The following PACSIN2 variants were observed in gnomAD, a reference collection of about 807,000 sequenced individuals.
PACSIN2 encodes the protein protein kinase C and casein kinase substrate in neurons protein 2.
A neutral mutation model predicts 63.8 loss-of-function variants in PACSIN2; 25 were observed. The ratio of observed to expected loss-of-function variants is 0.39; its 90% CI spans 0.29 to 0.55. PACSIN2 has a LOEUF of 0.55. PACSIN2 is among the 20% of genes least tolerant of loss of function. The pLI, the probability that PACSIN2 is intolerant of heterozygous loss-of-function variation, is 0.62. For missense variants in PACSIN2, 518 were observed against 646.9 expected, an observed-to-expected ratio of 0.80 and a Z score of 2.16; for synonymous variants, 255 against 256.2, an observed-to-expected ratio of 1.00 and a Z score of 0.05.
At chr22:42,953,743 T>A (rs1236596047) in intron 1 of PACSIN2, among the ~76,000 whole-genome samples, 3 of 152,168 alleles carry the variant, frequency 2.0e-5, no homozygotes, top group Non-Finnish European at 4.4e-5. Flanking sequence ...ACCGGCTAGT[T>A]TTGAAATTAA....
chr22:42,943,289 G>A (rs1555927705), intron 1 of PACSIN2, among the ~76,000 whole-genome samples: 1 of 151,836 alleles, frequency 6.6e-6, no homozygotes, highest in Non-Finnish European at 1.5e-5. Context: ...AGTTTTTTTG[G>A]TGATTCCTTA....
At chr22:42,914,945 C>G (rs762694229) in intron 1 of PACSIN2, among the ~76,000 whole-genome samples, 1 of 152,192 alleles carries the variant, frequency 6.6e-6, no homozygotes, top group Non-Finnish European at 1.5e-5. Flanking sequence ...CTCACTGCAG[C>G]CTCGAACTCA....
rs1764646117 is a variant in PACSIN2 at position 42,890,800 on chromosome 22, T to C, written c.453+147A>G. On this transcript the variant is annotated intron_variant, in intron 4 of 10. Coordinates refer to ENST00000263246, the MANE Select transcript of PACSIN2 (RefSeq NM_001184970.3). ...GTAAATGTCAACTACCATGGGCTTC[T>C]AGCCTGAGGAGTGGCTTCATCTCTA... 6.4e-6 allele frequency: 4 copies of C among 628,400 alleles called. No homozygotes were observed. In the South Asian group the frequency reaches 7.7e-5, roughly 12 times the overall value. 38.9% of individuals were successfully genotyped at this position (628,400 alleles called of 1,614,324 possible).
chr22:42,879,953 C>A (rs919423756), intron 7 of PACSIN2, among the ~76,000 whole-genome samples: 4 of 152,150 alleles, frequency 2.6e-5, no homozygotes, highest in African/African-American at 4.8e-5. Context: ...GGAAGCCTCA[C>A]GAGTTCTCGG....
At chr22:42,937,924 G>A (rs1182856027) in intron 1 of PACSIN2, among the ~76,000 whole-genome samples, 1 of 152,214 alleles carries the variant, frequency 6.6e-6, no homozygotes, top group Non-Finnish European at 1.5e-5. Flanking sequence ...ATCTCCCACT[G>A]GAGAACTCTG....
At chr22:42,977,903 C>A (rs1180728410) in intron 1 of PACSIN2, among the ~76,000 whole-genome samples, 4 of 152,212 alleles carry the variant, frequency 2.6e-5, no homozygotes, top group Non-Finnish European at 5.9e-5. Context: ...GTCAATTAAA[C>A]CTCTTTTCTT....
At position 42,917,937 on chromosome 22, in the gene PACSIN2, T is replaced by C. The variant is rs138140065; in HGVS notation, c.-77-5780A>G. Among the ~76,000 whole-genome samples, 5 of 152,314 alleles carry C rather than the reference T, an allele frequency of 3.3e-5. No individual in the cohort carries two copies. The East Asian group carries it at 9.7e-4, about 29-fold the overall frequency. On this transcript the variant is annotated intron_variant, in intron 1 of 10. Transcript: ENST00000263246. ...CACTGCCTGGCTATGCTCTATCTTT[T>C]TATGCCTTAATGGTGCCATTTGTTG...
chr22:42,909,402 TG>T, intron 2 of PACSIN2: 1 of 393,160 alleles, frequency 2.5e-6, no homozygotes, highest in East Asian at 7.9e-5. Flanking sequence ...TGTCCTTCCA[TG>T]GGAAAGAGGA....
At chr22:42,930,015 G>A (rs1441023972) in intron 1 of PACSIN2, among the ~76,000 whole-genome samples, 1 of 152,166 alleles carries the variant, frequency 6.6e-6, no homozygotes. Flanking sequence ...AGATCCTTGA[G>A]GGCAGGAACC....
At chr22:42,895,081 G>A (rs1262587924) in intron 2 of PACSIN2, among the ~76,000 whole-genome samples, 1 of 152,186 alleles carries the variant, frequency 6.6e-6, no homozygotes, top group African/African-American at 2.4e-5. Flanking sequence ...AGAGGCAGAT[G>A]AGACTTCCGG....
intron 1 of PACSIN2, among the ~76,000 whole-genome samples, chr22:42,955,240 T>C (rs2146837518): frequency 6.6e-6 from 1 of 152,272 alleles, no homozygotes; most frequent in African/African-American, 2.4e-5. Flanking sequence ...CAGTGCCTGA[T>C]GTGAACTGCG....
chr22:42,870,975 CTT>C lies in PACSIN2; in HGVS notation c.*380_*381del, dbSNP rs1184125125. ...ATCTTCACTCAAAATGGGATGTAAG[CTT>C]GTTCATTTAAGTTGCAGGTGATGGA... On this transcript the variant is annotated 3_prime_UTR_variant, in exon 11 of 11. Transcript: ENST00000263246. 4.6e-6 allele frequency: 1 copy of C among 218,802 alleles called. No homozygotes were observed. The highest frequency in any genetic ancestry group is 5.1e-5 in the Admixed American group (1 of 19,646). The allele number at this position is 218,802 out of a possible 1,614,324, so 13.6% of individuals were successfully genotyped here.
chr22:42,892,701 C>A (rs1362103846), intron 3 of PACSIN2, among the ~76,000 whole-genome samples: 1 of 152,208 alleles, frequency 6.6e-6, no homozygotes, highest in Non-Finnish European at 1.5e-5. Context: ...GTCAGCATCA[C>A]GGGAAAGGAC....
intron 5 of PACSIN2, among the ~76,000 whole-genome samples, chr22:42,886,074 C>T (rs1929451711): frequency 6.6e-6 from 1 of 152,300 alleles, no homozygotes; most frequent in South Asian, 2.1e-4. Flanking sequence ...ACACAATAGC[C>T]TCCCGGGAGC....
In PACSIN2 at chr22:42,920,834, G is replaced by A. The variant is rs571773535; in HGVS notation, c.-77-8677C>T. 1.8e-4 allele frequency among the ~76,000 whole-genome samples: 24 copies of A among 129,876 alleles called. No homozygotes were observed. The South Asian group carries it at 5.5e-3, about 30-fold the overall frequency. 85.2% of individuals were successfully genotyped at this position (129,876 alleles called of 152,430 possible). On this transcript the variant is annotated intron_variant, in intron 1 of 10. Coordinates refer to ENST00000263246, the MANE Select transcript of PACSIN2 (RefSeq NM_001184970.3). ...TTTTTTTTTTTTGAGACAGGGTCTC[G>A]GTCTGCCGCCCAGGCTGAAGTGCAG...
intron 1 of PACSIN2, among the ~76,000 whole-genome samples, chr22:43,005,636 G>C (rs971130651): frequency 5.3e-5 from 8 of 152,198 alleles, no homozygotes; most frequent in Non-Finnish European, 1.0e-4. Flanking sequence ...TTTTTAAATA[G>C]AACTGGATAA....
chr22:42,895,453 T>C (rs1333862307), intron 2 of PACSIN2, among the ~76,000 whole-genome samples: 1 of 152,176 alleles, frequency 6.6e-6, no homozygotes, highest in African/African-American at 2.4e-5. Flanking sequence ...GTATTCAAAT[T>C]GGTAATCACC....
chr22:42,988,770 C>T (rs1383942023), intron 1 of PACSIN2, among the ~76,000 whole-genome samples: 1 of 152,158 alleles, frequency 6.6e-6, no homozygotes, highest in East Asian at 1.9e-4. Context: ...TCCAAAGAAA[C>T]ATTTTCAAAA....
At chr22:42,897,125 C>T (rs1218764191) in intron 2 of PACSIN2, among the ~76,000 whole-genome samples, 2 of 152,078 alleles carry the variant, frequency 1.3e-5, no homozygotes, top group Non-Finnish European at 1.5e-5. Context: ...TTTGCAGAGA[C>T]AGGGTTTTGC....
Sources: allele counts gnomAD v4.1 joint callset (sites outside exome capture counted in the v4.1 genomes callset), GRCh38; gene constraint gnomAD v4.1.1; transcripts MANE v1.5; gene names NCBI Gene and HGNC (gene_info 2026-07-23, HGNC 2026-07-21).